The following ATAD2B variants were observed in gnomAD, a reference collection of about 807,000 sequenced individuals.
ATAD2B encodes ATPase family AAA domain-containing protein 2B.
ATAD2B carries 40 observed loss-of-function variants against 167.6 expected under a neutral mutation model. The ratio of observed to expected loss-of-function variants is 0.24; its 90% CI spans 0.19 to 0.31. ATAD2B has a LOEUF of 0.31. ATAD2B is among the 10% of genes least tolerant of loss of function. ATAD2B has a pLI of 1.00. For missense variants in ATAD2B, 1,242 were observed against 1,757.2 expected, an observed-to-expected ratio of 0.71 and a Z score of 5.24; for synonymous variants, 579 against 596.5, an observed-to-expected ratio of 0.97 and a Z score of 0.43.
At chr2:23,768,095 T>C (rs1362884968) in intron 22 of ATAD2B, among the ~76,000 whole-genome samples, 2 of 152,238 alleles carry the variant, frequency 1.3e-5, no homozygotes, top group Admixed American at 1.3e-4. Context: ...TTCTGTAATC[T>C]GCATTATTAA....
intron 5 of ATAD2B, 109 bp downstream of exon 5, chr2:23,885,618 A>G (rs1030860860): frequency 1.6e-4 from 96 of 588,848 alleles, no homozygotes; most frequent in Non-Finnish European, 2.6e-5. Flanking sequence ...AATGAAGACG[A>G]AGGAACACTC....
At chr2:23,871,605 A>G (rs1695986900) in intron 8 of ATAD2B, among the ~76,000 whole-genome samples, 1 of 152,216 alleles carries the variant, frequency 6.6e-6, no homozygotes, top group Non-Finnish European at 1.5e-5. Context: ...TAATAAAAGT[A>G]GAACACTGAA....
intron 13 of ATAD2B, among the ~76,000 whole-genome samples, chr2:23,853,024 T>C (rs540986136): frequency 1.3e-5 from 2 of 151,280 alleles, no homozygotes; most frequent in Non-Finnish European, 1.5e-5. Context: ...AAAAAAAATA[T>C]GTTACAAAGT....
chr2:23,709,480 G>C, the ATAD2B span, among the ~76,000 whole-genome samples: 1 of 152,256 alleles, frequency 6.6e-6, no homozygotes, highest in African/African-American at 2.4e-5. Context: ...TCCCTGGGGA[G>C]AAAAGGTAGA....
At chr2:23,706,216 G>T in the ATAD2B span, among the ~76,000 whole-genome samples, 1 of 152,038 alleles carries the variant, frequency 6.6e-6, no homozygotes, top group Non-Finnish European at 1.5e-5. Context: ...TCGTCTCCTA[G>T]CCATGGTTAG....
At chr2:23,723,529 G>C in the ATAD2B span, among the ~76,000 whole-genome samples, 5 of 151,434 alleles carry the variant, frequency 3.3e-5, no homozygotes, top group Admixed American at 6.6e-5. Context: ...AATCTGAACA[G>C]ATGTTTTTCA....
the ATAD2B span, among the ~76,000 whole-genome samples, chr2:23,733,003 C>T: frequency 2.0e-5 from 3 of 152,076 alleles, no homozygotes. Flanking sequence ...TTCATAGGGC[C>T]GATATCAAAA....
chr2:23,906,687 T>C (rs918312319), intron 1 of ATAD2B, among the ~76,000 whole-genome samples: 3 of 151,976 alleles, frequency 2.0e-5, no homozygotes, highest in African/African-American at 7.3e-5. Flanking sequence ...TAGACCAATA[T>C]CCTTGATGAA....
chr2:23,884,895 C>A, intron 5 of ATAD2B, 22 bp from the exon 6 acceptor site: 3 of 1,415,638 alleles, frequency 2.1e-6, no homozygotes, highest in South Asian at 1.3e-5. Flanking sequence ...AGAAATCTGT[C>A]AAATAGCAAC....
At chr2:23,869,801 G>C in intron 8 of ATAD2B, 40 bp from the exon 9 acceptor site, 1 of 1,346,686 alleles carries the variant, frequency 7.4e-7, no homozygotes, top group South Asian at 1.3e-5. Flanking sequence ...CATTATAATA[G>C]CAAACAACTT....
the ATAD2B span, among the ~76,000 whole-genome samples, chr2:23,716,146 A>G: frequency 6.6e-5 from 10 of 152,360 alleles, no homozygotes; most frequent in Admixed American, 2.6e-4. Flanking sequence ...AAAGACTATT[A>G]TCTCATATCA....
intron 1 of ATAD2B, among the ~76,000 whole-genome samples, chr2:23,908,423 A>T (rs566398711): frequency 2.2e-4 from 33 of 152,376 alleles, no homozygotes; most frequent in Admixed American, 9.8e-4. Context: ...AATGCAAATC[A>T]AAACCACAGT....
chr2:23,757,884 G>T lies in ATAD2B; in HGVS notation c.3612C>A (p.Thr1204=), dbSNP rs1304532580. The T allele has an allele frequency of 1.3e-6, 2 of 1,598,332 alleles. No individual in the cohort carries two copies. Among genetic ancestry groups the T allele is most frequent in the Non-Finnish European group, 1.7e-6 (2 of 1,175,648 alleles). ...NGEETGDLSM[T]NDESSCDIMD... is the part of the protein sequence containing the mutation. ...TGATGTCACAGGATGATTCATCATT[G>T]GTCATAGATAAGTCTCCAGTCTCTT... Residue 1204 remains threonine (T), a synonymous_variant, in exon 25 of 28, where the codon ACC becomes ACA. Coordinates refer to ENST00000238789, the MANE Select transcript of ATAD2B (RefSeq NM_017552.4).
rs931610577 is a variant in ATAD2B, at chr2:23,863,262, T to C, written c.1479+119A>G. 18 of 944,546 alleles carry C rather than the reference T, an allele frequency of 1.9e-5. No homozygotes were observed. In the Admixed American group the frequency reaches 3.8e-4, roughly 20 times the overall value. The allele number at this position is 944,546 out of a possible 1,614,324, so 58.5% of individuals were successfully genotyped here. On this transcript the variant is annotated intron_variant, in intron 12 of 27. Transcript: ENST00000238789. Reference sequence around the variant, plus strand: ...ATGTCAAGACAGTAGTGAGACGAGATCACGCTATTGCACTCACTCCAGCCT... The same window carrying C: ...ATGTCAAGACAGTAGTGAGACGAGACCACGCTATTGCACTCACTCCAGCCT...
intron 1 of ATAD2B, among the ~76,000 whole-genome samples, chr2:23,918,983 C>T (rs138004123): frequency 4.9e-4 from 75 of 152,238 alleles, no homozygotes; most frequent in African/African-American, 1.7e-3. Context: ...GTATGAGATG[C>T]TAAATAAACC....
At chr2:23,921,553 A>G (rs769997642) in intron 1 of ATAD2B, among the ~76,000 whole-genome samples, 25 of 152,216 alleles carry the variant, frequency 1.6e-4, no homozygotes, top group South Asian at 4.1e-4. Context: ...CTTGACAGGG[A>G]AAATGATTTA....
chr2:23,798,488 C>T (rs1682949608), intron 18 of ATAD2B, among the ~76,000 whole-genome samples, 165 bp from the exon 19 acceptor site: 1 of 151,204 alleles, frequency 6.6e-6, no homozygotes, highest in African/African-American at 2.4e-5. Flanking sequence ...CAGCTTCAAT[C>T]TACCCTTGCC....
chr2:23,728,629 A>G, the ATAD2B span, among the ~76,000 whole-genome samples: 1 of 152,238 alleles, frequency 6.6e-6, no homozygotes, highest in Admixed American at 6.5e-5. Flanking sequence ...TTTGAAAACA[A>G]TATTTACACT....
chr2:23,769,463 AT>A (rs1168253193), intron 22 of ATAD2B, among the ~76,000 whole-genome samples: 4 of 152,194 alleles, frequency 2.6e-5, no homozygotes, highest in African/African-American at 9.6e-5. Flanking sequence ...AAATAAATAA[AT>A]AAAATGAGGT....
Sources: allele counts gnomAD v4.1 joint callset (sites outside exome capture counted in the v4.1 genomes callset), GRCh38; gene constraint gnomAD v4.1.1; transcripts MANE v1.5; gene names NCBI Gene and HGNC (gene_info 2026-07-23, HGNC 2026-07-21).